STUM: variants seen among roughly 807,000 people sequenced by gnomAD.
The protein encoded by STUM is protein stum homolog.
STUM carries 8 observed loss-of-function variants against 15.3 expected under a neutral mutation model. The observed-to-expected ratio is 0.52, with a 90% CI of 0.31 to 0.94. The LOEUF is 0.94. Ranked by LOEUF, STUM falls within the 40% of genes least tolerant of loss-of-function variation. The pLI is 0.05. For missense variants in STUM, 142 were observed against 204.9 expected (o/e 0.69, Z 1.87); for synonymous variants, 78 against 88.7 (o/e 0.88, Z 0.68).
chr1:226,586,721 C>T (rs1367858564), intron 1 of STUM, among the ~76,000 whole-genome samples: 1 of 152,204 alleles, frequency 6.6e-6, no homozygotes, highest in Non-Finnish European at 1.5e-5. Context: ...GAAATGTCAT[C>T]TTGTGAGGTT....
intron 1 of STUM, among the ~76,000 whole-genome samples, chr1:226,554,861 A>G (rs1404371808): frequency 6.6e-6 from 1 of 151,466 alleles, no homozygotes; most frequent in African/African-American, 2.4e-5. Context: ...TGTATTTGCT[A>G]TCTCCAATTC....
chr1:226,559,112 G>A (rs1212474715), intron 1 of STUM, among the ~76,000 whole-genome samples: 1 of 152,194 alleles, frequency 6.6e-6, no homozygotes, highest in East Asian at 1.9e-4. Flanking sequence ...ATAGTAAAAT[G>A]AGATAAGGCC....
rs918068432 is a variant in STUM at position 226,548,946 on chromosome 1, G to A, written c.42G>A (p.Ala14=). The change falls in exon 1 of 4, where the codon GCG becomes GCA. Residue 14 remains alanine (A), a synonymous_variant. Transcript: ENST00000366788. ...AAGACGCCGAGACGGCGGCGGCGGC[G>A]GCGGCGGTGGCGGCGGCGGACCCCC... ...SHKDAETAAA[A]AAVAAADPRG... is the part of the protein sequence containing the mutation. The A allele has an allele frequency of 1.9e-5, 27 of 1,458,580 alleles. No homozygotes were observed. The highest frequency in any genetic ancestry group is 1.2e-4 in the Admixed American group (4 of 33,562). The allele number at this position is 1,458,580 out of a possible 1,614,324, so 90.4% of individuals were successfully genotyped here. A position where few individuals can be genotyped will look rare whatever the true frequency, so the allele number is the denominator to read the frequency against.
At chr1:226,558,183 A>C (rs1667480241) in intron 1 of STUM, among the ~76,000 whole-genome samples, 1 of 152,260 alleles carries the variant, frequency 6.6e-6, no homozygotes, top group African/African-American at 2.4e-5. Flanking sequence ...GGAAAGGAAG[A>C]AGTGAAATTG....
At chr1:226,579,923 C>G (rs913383780) in intron 1 of STUM, among the ~76,000 whole-genome samples, 1 of 152,154 alleles carries the variant, frequency 6.6e-6, no homozygotes, top group African/African-American at 2.4e-5. Flanking sequence ...CCTGCCCTGC[C>G]CCTTTGTTTT....
At position 226,602,147 on chromosome 1, in the gene STUM, G is replaced by T. The variant is rs1668278923; in HGVS notation, c.*107G>T. ...GTTCTTTTCTGCCATTTTCTGGACT[G>T]GGGGTGGAAAGGGGGTATTTTTAAA... is the stretch of plus-strand genomic sequence containing the variant. On this transcript the variant is annotated 3_prime_UTR_variant, in exon 4 of 4. Transcript: ENST00000366788. 2.5e-6 allele frequency: 2 copies of T among 800,186 alleles called. No homozygotes were observed. Among genetic ancestry groups the T allele is most frequent in the African/African-American group, 1.7e-5 (1 of 57,704 alleles). The allele number at this position is 800,186 out of a possible 1,614,324, so 49.6% of individuals were successfully genotyped here.
At position 226,567,673 on chromosome 1, in the gene STUM, C is replaced by A. The variant is rs755589072; in HGVS notation, c.202+18567C>A. Among the ~76,000 whole-genome samples, 6 of 152,126 alleles carry A rather than the reference C, an allele frequency of 3.9e-5. No individual in the cohort carries two copies. Among genetic ancestry groups the A allele is most frequent in the Admixed American group, 3.3e-4 (5 of 15,272 alleles). On this transcript the variant is annotated intron_variant, in intron 1 of 3. Coordinates refer to ENST00000366788, the MANE Select transcript of STUM (RefSeq NM_001003665.4). The surrounding 1 kb of genome is among the most constrained non-coding windows in gnomAD (Gnocchi z 4.5). ...GAGAATTTTCTAATAGCCAAACACA[C>A]ATTGGAGAAGAAATGACAAATAAAA... is the stretch of plus-strand genomic sequence containing the variant.
chr1:226,566,250 G>A (rs1293735350), intron 1 of STUM, among the ~76,000 whole-genome samples: 1 of 152,152 alleles, frequency 6.6e-6, no homozygotes, highest in Non-Finnish European at 1.5e-5. Context: ...CTTTACAAAA[G>A]ACACCAAAAA....
chr1:226,606,109 C>T lies in STUM; in HGVS notation c.*4069C>T, dbSNP rs1668352195. The T allele has an allele frequency of 6.6e-6, 1 of 152,222 alleles. No homozygotes were observed. The highest frequency in any genetic ancestry group is 2.1e-4 in the South Asian group (1 of 4,832). 9.4% of individuals were successfully genotyped at this position (152,222 alleles called of 1,614,324 possible). A position where few individuals can be genotyped will look rare whatever the true frequency, so the allele number is the denominator to read the frequency against. ...CCGGCTCTCAAAAAGAAAAGCCAGG[C>T]ACAGATCCCAACACCAAGTGTAAGG... On this transcript the variant is annotated 3_prime_UTR_variant, in exon 4 of 4. Transcript: ENST00000366788.
chr1:226,571,014 T>C (rs541185514), intron 1 of STUM, among the ~76,000 whole-genome samples: 1 of 152,214 alleles, frequency 6.6e-6, no homozygotes, highest in South Asian at 2.1e-4. Context: ...GAGGATCACT[T>C]GAGGAAAGGA....
intron 1 of STUM, among the ~76,000 whole-genome samples, chr1:226,587,195 G>A (rs1358690029): frequency 6.6e-6 from 1 of 152,122 alleles, no homozygotes; most frequent in African/African-American, 2.4e-5. Context: ...TAAGCACAGG[G>A]AAGCTGATGC....
At position 226,602,402 on chromosome 1, in the gene STUM, G is replaced by A. The variant is rs12086425; in HGVS notation, c.*362G>A. 56,718 of 275,462 alleles carry A rather than the reference G, an allele frequency of 0.21. 7,001 individuals carry two copies. Among genetic ancestry groups the A allele is most frequent in the African/African-American group, 0.37 (17,186 of 46,130 alleles). 17.1% of individuals were successfully genotyped at this position (275,462 alleles called of 1,614,324 possible). On this transcript the variant is annotated 3_prime_UTR_variant, in exon 4 of 4. Coordinates refer to ENST00000366788, the MANE Select transcript of STUM (RefSeq NM_001003665.4). ...CACGTCTGCTGGGCCGGGCCACACC[G>A]GGCCCTGTCTGGGTGAGCAGGGGCT...
intron 1 of STUM, among the ~76,000 whole-genome samples, chr1:226,595,325 G>A (rs938759348): frequency 1.3e-5 from 2 of 152,030 alleles, no homozygotes; most frequent in African/African-American, 4.8e-5. Context: ...ATTGGATGGC[G>A]CCCACCTACA....
At chr1:226,558,896 G>A (rs368745766) in intron 1 of STUM, among the ~76,000 whole-genome samples, 72 of 152,240 alleles carry the variant, frequency 4.7e-4, no homozygotes, top group African/African-American at 1.7e-3. Flanking sequence ...GTGTGTCTTC[G>A]GCATGGGAAC....
In STUM at chr1:226,602,087, G is replaced by T; in HGVS notation, c.*47G>T. 6.6e-7 allele frequency: 1 copy of T among 1,517,270 alleles called. No individual in the cohort carries two copies. 94.0% of individuals were successfully genotyped at this position (1,517,270 alleles called of 1,614,324 possible). ...GATCCAGGGGGGCCCTGTGAGGGCT[G>T]CACCAGGCAGCTTTGGGCACAAGGA... On this transcript the variant is annotated 3_prime_UTR_variant, in exon 4 of 4. Transcript: ENST00000366788.
At chr1:226,601,913 C>A in intron 3 of STUM, 93 bp from the exon 4 acceptor site, 2 of 1,022,208 alleles carry the variant, frequency 2.0e-6, no homozygotes, top group Non-Finnish European at 3.0e-6. Context: ...ATAAACAATG[C>A]CTCCTGTGTG....
rs189396590 is a variant in STUM, at chr1:226,560,026, C to T, written c.202+10920C>T. ...TGATGGCGGGCGCCTGTAATCCCAGCTACTTGGGAGGCTGAGGCAGGAGAA... is the reference window on the plus strand; with the variant it reads ...TGATGGCGGGCGCCTGTAATCCCAGTTACTTGGGAGGCTGAGGCAGGAGAA... On this transcript the variant is annotated intron_variant, in intron 1 of 3. Coordinates refer to ENST00000366788, the MANE Select transcript of STUM (RefSeq NM_001003665.4). 1.5e-4 allele frequency among the ~76,000 whole-genome samples: 23 copies of T among 151,998 alleles called. No individual in the cohort carries two copies. The East Asian group carries it at 3.1e-3, about 20-fold the overall frequency.
At chr1:226,570,399 G>A (rs945627782) in intron 1 of STUM, among the ~76,000 whole-genome samples, 2 of 152,218 alleles carry the variant, frequency 1.3e-5, no homozygotes, top group African/African-American at 2.4e-5. Flanking sequence ...AACCAATGAT[G>A]CCCAAAACCA....
intron 1 of STUM, among the ~76,000 whole-genome samples, chr1:226,596,323 G>A (rs1386251693): frequency 6.6e-6 from 1 of 152,092 alleles, no homozygotes; most frequent in Admixed American, 6.5e-5. Context: ...ATGTGTGCTG[G>A]GTGGTCATTT....
Sources: allele counts gnomAD v4.1 joint callset (sites outside exome capture counted in the v4.1 genomes callset), GRCh38; gene constraint gnomAD v4.1.1; non-coding constraint Gnocchi (gnomAD v3.1); transcripts MANE v1.5; gene names NCBI Gene and HGNC (gene_info 2026-07-23, HGNC 2026-07-21).